The following F8 variants were observed in gnomAD, a reference collection of about 807,000 sequenced individuals.
The protein encoded by F8 is coagulation factor VIII.
A neutral mutation model predicts 140.6 loss-of-function variants in F8; 12 were observed. That is an observed-to-expected ratio of 0.09 (90% CI 0.05 to 0.14). The LOEUF is 0.14. Among genes scored for constraint, F8 ranks in the 10% least tolerant of loss-of-function variants. The pLI, the probability that F8 is intolerant of heterozygous loss-of-function variation, is 1.00. For missense variants in F8, 1,354 were observed against 1,720.7 expected (o/e 0.79, Z 3.77); for synonymous variants, 585 against 614.6 (o/e 0.95, Z 0.71).
intron 14 of F8, among the ~76,000 whole-genome samples, chrX:154,924,191 G>A (rs1487647111): frequency 9.0e-6 from 1 of 111,521 alleles, no homozygotes; most frequent in Non-Finnish European, 1.9e-5. Context: ...AATACAGTAA[G>A]TTGGTACCAG....
rs1557284806 is a variant in F8 at position 154,993,082 on chromosome X, C to T, written c.455G>A (p.Ser152Asn). Residue 152 changes from serine (S) to asparagine (N), a missense_variant, in exon 4 of 26, where the codon AGC becomes AAC. Transcript: ENST00000360256. The part of the protein sequence containing the change: ...KEDDKVFPGG[S>N]HTYVWQVLKE... ...CAGGACCTGCCAGACATATGTATGG[C>T]TTCCACCAGGGAAGACTTTATCATC... 3 of 1,211,895 alleles carry T rather than the reference C, an allele frequency of 2.5e-6. No homozygotes were observed. Among genetic ancestry groups the T allele is most frequent in the Non-Finnish European group, 3.4e-6 (3 of 895,480 alleles).
chrX:154,902,232 G>A (rs782180708), intron 18 of F8, 65 bp from the exon 19 acceptor site: 1 of 850,267 alleles, frequency 1.2e-6, no homozygotes, highest in East Asian at 3.1e-5. Context: ...GAGATACATT[G>A]GTTTATGCGA....
At position 154,930,091 on chromosome X, in the gene F8, T is replaced by C. The variant is rs1557278598; in HGVS notation, c.3699A>G (p.Ile1233Met). Residue 1233 changes from isoleucine (I) to methionine (M), a missense_variant, in exon 14 of 26, where the codon ATA becomes ATG. Coordinates refer to ENST00000360256, the MANE Select transcript of F8 (RefSeq NM_000132.4). ...LIQENVVLPQ[I>M]HTVTGTKNFM... is the part of the protein sequence containing the mutation. ...AATTCTTAGTGCCAGTCACTGTATG[T>C]ATCTGAGGCAAAACTACATTCTCTT... 8.3e-7 allele frequency: 1 copy of C among 1,209,478 alleles called. No homozygotes were observed. The highest frequency in any genetic ancestry group is 2.2e-5 in the Admixed American group (1 of 45,708).
At chrX:154,904,173 A>C in intron 17 of F8, 85 bp from the exon 18 acceptor site, 1 of 1,104,387 alleles carries the variant, frequency 9.1e-7, no homozygotes, top group Non-Finnish European at 1.3e-6. Context: ...GACATCTATG[A>C]GGATTCCACT....
At chrX:154,936,118 T>G (rs908022778) in intron 13 of F8, among the ~76,000 whole-genome samples, 7 of 110,845 alleles carry the variant, frequency 6.3e-5, no homozygotes, top group Admixed American at 1.9e-4. Flanking sequence ...ACAAACTTAT[T>G]GTGAAAAACT....
intron 5 of F8, among the ~76,000 whole-genome samples, chrX:154,985,326 C>T (rs1232893385): frequency 2.2e-4 from 24 of 110,672 alleles, no homozygotes; most frequent in Non-Finnish European, 1.3e-4. Context: ...ATCTCAGCTA[C>T]TCAGGAGGCT....
intron 10 of F8, among the ~76,000 whole-genome samples, chrX:154,958,093 C>T (rs1184696072): frequency 9.1e-6 from 1 of 110,483 alleles, no homozygotes; most frequent in African/African-American, 3.3e-5. Context: ...TGGGAGGTGC[C>T]CAAATGCTGG....
In F8 at chrX:155,007,120, T is replaced by C. The variant is rs185574561; in HGVS notation, c.144-7520A>G. Among the ~76,000 whole-genome samples the C allele has an allele frequency of 2.1e-3, 235 of 110,096 alleles. 1 individual carries two copies. Among genetic ancestry groups the C allele is most frequent in the Admixed American group, 3.3e-3 (34 of 10,375 alleles). ...ACTGGCTGAGGGCCAGGGCCCAGCG[T>C]ACTGATAAGGAAGCTCTTCCAGAAA... On this transcript the variant is annotated intron_variant, in intron 1 of 25. Coordinates refer to ENST00000360256, the MANE Select transcript of F8 (RefSeq NM_000132.4).
At position 154,999,503 on chromosome X, in the gene F8, C is replaced by A. The variant is rs1210085395; in HGVS notation, c.241G>T (p.Ala81Ser). 1 of 1,207,252 alleles carries A rather than the reference C, an allele frequency of 8.3e-7. No homozygotes were observed. The highest frequency in any genetic ancestry group is 2.2e-5 in the Admixed American group (1 of 45,854). ...CCCATCCAGGGTGGCCTTGGCTTAG[C>A]GATGTTGAAAAGGTGATCCGTGAAT... Reference protein sequence around the residue: ...VEFTDHLFNIAKPRPPWMGLL... With the variant: ...VEFTDHLFNISKPRPPWMGLL... Residue 81 changes from alanine (A) to serine (S), a missense_variant, in exon 2 of 26, where the codon GCT becomes TCT. By Grantham distance (99) the Ala-to-Ser change is moderately conservative. Transcript: ENST00000360256.
At chrX:154,942,654 T>C (rs1443236974) in intron 13 of F8, among the ~76,000 whole-genome samples, 6 of 111,371 alleles carry the variant, frequency 5.4e-5, no homozygotes, top group Non-Finnish European at 9.4e-5. Flanking sequence ...GGAATCCTCC[T>C]GAACTCATTT....
intron 22 of F8, among the ~76,000 whole-genome samples, chrX:154,866,864 A>C (rs1324038551): frequency 9.3e-6 from 1 of 107,298 alleles, no homozygotes; most frequent in Non-Finnish European, 1.9e-5. Flanking sequence ...AGCAGAAATA[A>C]ATAAAAAAGA....
Position 154,972,707 on chromosome X carries a change from C to CTTTTTTTTTTTTTTTTTT in F8, c.788-3173_788-3156dup, listed in dbSNP as rs1184930129. 2.0e-4 allele frequency among the ~76,000 whole-genome samples: 11 copies of CTTTTTTTTTTTTTTTTTT among 55,270 alleles called. 1 individual carries two copies. Among genetic ancestry groups the CTTTTTTTTTTTTTTTTTT allele is most frequent in the Non-Finnish European group, 2.7e-4 (8 of 29,531 alleles). 48.0% of individuals were successfully genotyped at this position (55,270 alleles called of 115,157 possible). A position where few individuals can be genotyped will look rare whatever the true frequency, so the allele number is the denominator to read the frequency against. On this transcript the variant is annotated intron_variant, in intron 6 of 25. Coordinates refer to ENST00000360256, the MANE Select transcript of F8 (RefSeq NM_000132.4). ...GTTCTTTTCTTTTCTTTCTGTCTTT[C>CTTTTTTTTTTTTTTTTTT]TTTTTTTTTTTTTTTTTTTTTTTTT...
intron 25 of F8, among the ~76,000 whole-genome samples, chrX:154,850,550 G>C (rs941698037): frequency 2.9e-5 from 3 of 104,583 alleles, no homozygotes; most frequent in Non-Finnish European, 5.8e-5. Context: ...CACAACCCTA[G>C]CTCACTGCAC....
intron 6 of F8, among the ~76,000 whole-genome samples, chrX:154,977,837 T>C (rs935170011): frequency 9.0e-6 from 1 of 111,112 alleles, no homozygotes; most frequent in Admixed American, 9.6e-5. Flanking sequence ...TAATATTTCA[T>C]TAAATAGGCT....
At chrX:155,018,699 G>GA (rs1458510331) in intron 1 of F8, among the ~76,000 whole-genome samples, 1 of 111,864 alleles carries the variant, frequency 8.9e-6, no homozygotes, top group Non-Finnish European at 1.9e-5. Flanking sequence ...CAACAAAATT[G>GA]AAAAAATAAA....
chrX:154,969,417 G>A lies in F8; in HGVS notation c.923C>T (p.Ser308Leu), dbSNP rs137852404. Residue 308 changes from serine to leucine, a missense_variant, in exon 7 of 26, where the codon TCG becomes TTG. Physicochemically the swap from Ser to Leu is moderately radical, Grantham distance 145. Transcript: ENST00000360256. ...TTGAGCAGTAAGGAAAGTTATTGGCGAGATTTCCAAGGACGCCTGGCGATG... is the reference window on the plus strand; with the variant it reads ...TTGAGCAGTAAGGAAAGTTATTGGCAAGATTTCCAAGGACGCCTGGCGATG... ...RNHRQASLEI[S>L]PITFLTAQTL... 1 of 1,211,555 alleles carries A rather than the reference G, an allele frequency of 8.3e-7. No individual in the cohort carries two copies. The highest frequency in any genetic ancestry group is 1.1e-6 in the Non-Finnish European group (1 of 895,301).
chrX:154,950,264 C>T (rs1218699048), intron 12 of F8, among the ~76,000 whole-genome samples: 2 of 112,117 alleles, frequency 1.8e-5, no homozygotes, highest in Non-Finnish European at 3.8e-5. Flanking sequence ...GAGTGGATTT[C>T]CTGAGTCAAT....
intron 6 of F8, among the ~76,000 whole-genome samples, chrX:154,976,757 G>A (rs1557283030): frequency 9.0e-6 from 1 of 111,621 alleles, no homozygotes; most frequent in East Asian, 2.8e-4. Context: ...AAAAAATGAT[G>A]AGTTCATGTC....
At chrX:154,925,440 A>C (rs2073155426) in intron 14 of F8, among the ~76,000 whole-genome samples, 1 of 112,053 alleles carries the variant, frequency 8.9e-6, no homozygotes. Context: ...GATCCATCAG[A>C]AACTTGCACC....
Sources: allele counts gnomAD v4.1 joint callset (sites outside exome capture counted in the v4.1 genomes callset), GRCh38; gene constraint gnomAD v4.1.1; transcripts MANE v1.5; gene names NCBI Gene and HGNC (gene_info 2026-07-23, HGNC 2026-07-21).